GATA5: variants seen among roughly 807,000 people sequenced by gnomAD.
GATA5 encodes the protein transcription factor GATA-5.
Under a neutral mutation model 35.0 loss-of-function variants are expected in GATA5, and 27 were observed. The observed-to-expected ratio is 0.77, with a 90% CI of 0.57 to 1.06. The LOEUF (loss-of-function observed/expected upper bound fraction) is 1.06, where lower values mean the gene tolerates loss of function less well. Among genes scored for constraint, GATA5 ranks in the 50% least tolerant of loss-of-function variants. The pLI is 0.00. For missense variants in GATA5, 612 were observed against 580.0 expected (o/e 1.06, Z -0.57); for synonymous variants, 306 against 267.8 (o/e 1.14, Z -1.39).
Position 62,475,028 on chromosome 20 carries a change from T to C in GATA5, c.494A>G (p.His165Arg), listed in dbSNP as rs1267045225. ...TAGPFDGSVL[H>R]GLPGRRPTFV... ...GGTGGGCCTGCGGCCTGGGAGGCCG[T>C]GCAGGACGCTGCCATCGAAGGGCCC... The change falls in exon 2 of 7, where the codon CAC (histidine) becomes CGC (arginine). Residue 165 changes from histidine to arginine, a missense_variant. Coordinates refer to ENST00000252997, the MANE Select transcript of GATA5 (RefSeq NM_080473.5). The C allele has an allele frequency of 2.2e-6, 3 of 1,389,814 alleles. No individual in the cohort carries two copies. Among genetic ancestry groups the C allele is most frequent in the Non-Finnish European group, 2.8e-6 (3 of 1,066,958 alleles). The allele number at this position is 1,389,814 out of a possible 1,614,324, so 86.1% of individuals were successfully genotyped here.
chr20:62,473,395 G>A lies in GATA5; in HGVS notation c.699+8C>T, dbSNP rs782748816. ...GCCCAGGCGCCCCTCTGCCCAGCCCGAACTCACCAGGCGCTTCTGAGGCCG... is the reference window on the plus strand; with the variant it reads ...GCCCAGGCGCCCCTCTGCCCAGCCCAAACTCACCAGGCGCTTCTGAGGCCG... On this transcript the variant is annotated splice_region_variant and intron_variant, in intron 3 of 6. Coordinates refer to ENST00000252997, the MANE Select transcript of GATA5 (RefSeq NM_080473.5). The A allele has an allele frequency of 5.5e-5, 88 of 1,599,304 alleles. No individual in the cohort carries two copies. Among genetic ancestry groups the A allele is most frequent in the Non-Finnish European group, 7.0e-5 (82 of 1,173,932 alleles).
intron 3 of GATA5, among the ~76,000 whole-genome samples, chr20:62,471,554 T>C (rs112840346): frequency 0.02 from 2,852 of 145,062 alleles, 96 homozygotes; most frequent in African/African-American, 0.069. Flanking sequence ...CCTCAGCCTC[T>C]CAAGTAGCTG....
In GATA5 at chr20:62,465,960, T is replaced by A. The variant is rs77513230; in HGVS notation, c.826-39A>T. ...CGAGGGTGGAGGCTGGTCCCATCCC[T>A]GCTCACCCCGGGCCCCTTGCACAGC... On this transcript the variant is annotated intron_variant, in intron 4 of 6. Coordinates refer to ENST00000252997, the MANE Select transcript of GATA5 (RefSeq NM_080473.5). The A allele has an allele frequency of 5.4e-4, 771 of 1,435,960 alleles. 3 individuals carry two copies. The East Asian group carries it at 0.014, about 26-fold the overall frequency. The allele number at this position is 1,435,960 out of a possible 1,614,324, so 89.0% of individuals were successfully genotyped here.
At chr20:62,467,666 C>T (rs781875490) in intron 3 of GATA5, among the ~76,000 whole-genome samples, 39 of 152,232 alleles carry the variant, frequency 2.6e-4, no homozygotes, top group Non-Finnish European at 5.3e-4. Flanking sequence ...CTCCTGCCCT[C>T]CCGGCGGCAG....
intron 6 of GATA5, 129 bp downstream of exon 6, chr20:62,465,211 G>T (rs569440356): frequency 1.8e-6 from 2 of 1,096,990 alleles, no homozygotes; most frequent in Non-Finnish European, 1.3e-6. Context: ...CATACTGATG[G>T]CCGAAGGCAG....
rs1989509396 is a variant in GATA5 at position 62,463,972 on chromosome 20, G to A, written c.*864C>T. 6.6e-6 allele frequency: 1 copy of A among 152,166 alleles called. No homozygotes were observed. The highest frequency in any genetic ancestry group is 1.5e-5 in the Non-Finnish European group (1 of 68,010). The allele number at this position is 152,166 out of a possible 1,614,324, so 9.4% of individuals were successfully genotyped here. A position where few individuals can be genotyped will look rare whatever the true frequency, so the allele number is the denominator to read the frequency against. On this transcript the variant is annotated 3_prime_UTR_variant, in exon 7 of 7. Transcript: ENST00000252997. ...TGGAGGGGGCTTGCAAGAGAAAGAGGGGTCACTAACAATTCTCCTGGGACA... is the reference window on the plus strand; with the variant it reads ...TGGAGGGGGCTTGCAAGAGAAAGAGAGGTCACTAACAATTCTCCTGGGACA...
At chr20:62,471,510 C>T (rs139052381) in intron 3 of GATA5, among the ~76,000 whole-genome samples, 54 of 125,102 alleles carry the variant, frequency 4.3e-4, no homozygotes, top group African/African-American at 1.5e-3. Flanking sequence ...CGGCTCATTG[C>T]AGCCTCAGCC....
intron 2 of GATA5, among the ~76,000 whole-genome samples, chr20:62,473,850 A>G: frequency 6.6e-6 from 1 of 152,168 alleles, no homozygotes; most frequent in East Asian, 1.9e-4. Flanking sequence ...GAAGACAGAC[A>G]CCTGGGACTC....
chr20:62,466,260 G>A (rs925985416), intron 4 of GATA5, among the ~76,000 whole-genome samples, 166 bp downstream of exon 4: 1 of 152,236 alleles, frequency 6.6e-6, no homozygotes, highest in Admixed American at 6.5e-5. Flanking sequence ...CCGGGCCCCC[G>A]GGGGTGGTGC....
intron 3 of GATA5, among the ~76,000 whole-genome samples, chr20:62,471,363 C>CT (rs201896930): frequency 3.4e-5 from 5 of 144,952 alleles, no homozygotes; most frequent in Admixed American, 7.0e-5. Flanking sequence ...TACCACTTCT[C>CT]TTTTTTAAAA....
chr20:62,469,956 G>A (rs1464283000), intron 3 of GATA5, among the ~76,000 whole-genome samples: 3 of 152,186 alleles, frequency 2.0e-5, no homozygotes, highest in Admixed American at 6.5e-5. Context: ...ATACCGCGAC[G>A]ATGCCTTCAT....
chr20:62,475,404 G>A lies in GATA5; in HGVS notation c.118C>T (p.Pro40Ser). ...CCGGACAGGTAGGACAGCATCGAGG[G>A]GACGCGCGCCGGCGGCACAAACATC... ...SPMFVPPARV[P>S]SMLSYLSGCE... The change falls in exon 2 of 7, where the codon CCC (proline) becomes TCC (serine). Residue 40 changes from proline to serine, a missense_variant. Coordinates refer to ENST00000252997, the MANE Select transcript of GATA5 (RefSeq NM_080473.5). 7.4e-7 allele frequency: 1 copy of A among 1,358,230 alleles called. No homozygotes were observed. The highest frequency in any genetic ancestry group is 9.5e-7 in the Non-Finnish European group (1 of 1,054,502). The allele number at this position is 1,358,230 out of a possible 1,614,324, so 84.1% of individuals were successfully genotyped here. A position where few individuals can be genotyped will look rare whatever the true frequency, so the allele number is the denominator to read the frequency against.
At position 62,464,644 on chromosome 20, in the gene GATA5, C is replaced by T. The variant is rs1989530793; in HGVS notation, c.*192G>A. The T allele has an allele frequency of 2.1e-6, 1 of 478,518 alleles. No homozygotes were observed. 29.6% of individuals were successfully genotyped at this position (478,518 alleles called of 1,614,324 possible). A position where few individuals can be genotyped will look rare whatever the true frequency, so the allele number is the denominator to read the frequency against. On this transcript the variant is annotated 3_prime_UTR_variant, in exon 7 of 7. Coordinates refer to ENST00000252997, the MANE Select transcript of GATA5 (RefSeq NM_080473.5). ...GGAAGCTGAGCCCTTCCCTCACCAG[C>T]CTTCTTGCTCTGGGGCCCGACTGCC...
At chr20:62,472,509 A>T (rs79667355) in intron 3 of GATA5, among the ~76,000 whole-genome samples, 8,850 of 152,296 alleles carry the variant, frequency 0.058, 356 homozygotes, top group Non-Finnish European at 0.085. Context: ...TCGACCCCGC[A>T]CGGAGTCCAC....
Position 62,464,758 on chromosome 20 carries a change from G to T in GATA5, c.*78C>A. On this transcript the variant is annotated 3_prime_UTR_variant, in exon 7 of 7. Transcript: ENST00000252997. ...GGGGCCTGCTGGTCTCTGCTGTGCT[G>T]GAGCAAAGCAGGCACGGAGGTGACT... The T allele has an allele frequency of 7.7e-7, 1 of 1,290,756 alleles. No homozygotes were observed. Among genetic ancestry groups the T allele is most frequent in the Non-Finnish European group, 1.1e-6 (1 of 945,950 alleles). 80.0% of individuals were successfully genotyped at this position (1,290,756 alleles called of 1,614,324 possible). A position where few individuals can be genotyped will look rare whatever the true frequency, so the allele number is the denominator to read the frequency against.
At chr20:62,472,040 C>G (rs1201673362) in intron 3 of GATA5, among the ~76,000 whole-genome samples, 2 of 152,118 alleles carry the variant, frequency 1.3e-5, no homozygotes, top group Non-Finnish European at 2.9e-5. Context: ...GCCACCGTGC[C>G]TGGCCCCTAA....
Position 62,464,493 on chromosome 20 carries a change from G to A in GATA5, c.*343C>T, listed in dbSNP as rs555888990. ...TGCTACAACTTGTAAACATATTGAC[G>A]GTGAGCATTGATGACGGAATTCAAG... is the stretch of plus-strand genomic sequence containing the variant. On this transcript the variant is annotated 3_prime_UTR_variant, in exon 7 of 7. Coordinates refer to ENST00000252997, the MANE Select transcript of GATA5 (RefSeq NM_080473.5). 1.0e-5 allele frequency: 2 copies of A among 195,294 alleles called. No individual in the cohort carries two copies. Among genetic ancestry groups the A allele is most frequent in the South Asian group, 1.8e-4 (1 of 5,676 alleles). 12.1% of individuals were successfully genotyped at this position (195,294 alleles called of 1,614,324 possible). A position where few individuals can be genotyped will look rare whatever the true frequency, so the allele number is the denominator to read the frequency against.
intron 3 of GATA5, among the ~76,000 whole-genome samples, chr20:62,468,011 C>T (rs1402044204): frequency 6.7e-6 from 1 of 149,530 alleles, no homozygotes; most frequent in Admixed American, 6.6e-5. Flanking sequence ...CTGTTACAGC[C>T]TGCCTCGGTT....
Position 62,463,713 on chromosome 20 carries a change from A to G in GATA5, c.*1123T>C, listed in dbSNP as rs1371850509. On this transcript the variant is annotated 3_prime_UTR_variant, in exon 7 of 7. Coordinates refer to ENST00000252997, the MANE Select transcript of GATA5 (RefSeq NM_080473.5). ...ACAATGTTAAAAATATTTTTGAATCAAATTGGAAGACTTAAAATCCAGGTT... is the reference window on the plus strand; with the variant it reads ...ACAATGTTAAAAATATTTTTGAATCGAATTGGAAGACTTAAAATCCAGGTT... 1 of 144,598 alleles carries G rather than the reference A, an allele frequency of 6.9e-6. No individual in the cohort carries two copies. The highest frequency in any genetic ancestry group is 2.6e-5 in the African/African-American group (1 of 38,364). The allele number at this position is 144,598 out of a possible 1,614,324, so 9.0% of individuals were successfully genotyped here. A position where few individuals can be genotyped will look rare whatever the true frequency, so the allele number is the denominator to read the frequency against.
Sources: gnomAD v4.1 joint callset for allele counts (sites outside exome capture counted in the v4.1 genomes callset) on GRCh38, gnomAD v4.1.1 for gene constraint, MANE v1.5 for transcripts, NCBI Gene and HGNC (gene_info 2026-07-23, HGNC 2026-07-21) for gene names.